MAF1: variants seen among roughly 807,000 people sequenced by gnomAD.
MAF1 encodes MAF1 negative regulator of RNA polymerase III.
A neutral mutation model predicts 31.9 loss-of-function variants in MAF1; 7 were observed. The observed-to-expected ratio is 0.22, with a 90% CI of 0.12 to 0.41. MAF1 has a LOEUF of 0.41. Ranked by LOEUF, MAF1 falls within the 10% of genes least tolerant of loss-of-function variation. MAF1 has a pLI of 1.00. For synonymous variants in MAF1, 157 were observed against 120.0 expected (o/e 1.31, Z -2.02); for missense variants, 221 against 323.1 (o/e 0.68, Z 2.42).
rs552935234 is a variant in MAF1, at chr8:144,104,630, G to A, written c.-273G>A. On this transcript the variant is annotated 5_prime_UTR_variant, in exon 1 of 8. Transcript: ENST00000322428. ...CTGTGGAAGGGGGCGAGGCTATGTC[G>A]CGGTGGCAGCCCGGATGGGCCGGCA... The A allele has an allele frequency of 1.3e-5, 2 of 152,392 alleles. No homozygotes were observed. The highest frequency in any genetic ancestry group is 1.9e-4 in the East Asian group (1 of 5,182). 9.4% of individuals were successfully genotyped at this position (152,392 alleles called of 1,614,324 possible). A position where few individuals can be genotyped will look rare whatever the true frequency, so the allele number is the denominator to read the frequency against.
Position 144,106,564 on chromosome 8 carries a change from A to G in MAF1, c.510A>G (p.Pro170=). ...LAECDIYSYN[P]DLDSDPFGED... is the part of the protein sequence containing the mutation. ...ACCCTATACTCCCCAGCTATAACCC[A>G]GACTTGGACTCAGATCCCTTCGGGG... Residue 170 remains proline, a synonymous_variant, in exon 6 of 8, where the codon CCA becomes CCG. Transcript: ENST00000322428. 1 of 1,613,938 alleles carries G rather than the reference A, an allele frequency of 6.2e-7. No homozygotes were observed. Among genetic ancestry groups the G allele is most frequent in the Non-Finnish European group, 8.5e-7 (1 of 1,180,004 alleles).
chr8:144,105,968 A>G lies in MAF1; in HGVS notation c.183A>G (p.Pro61=). The G allele has an allele frequency of 6.2e-7, 1 of 1,613,032 alleles. No individual in the cohort carries two copies. Among genetic ancestry groups the G allele is most frequent in the South Asian group, 1.1e-5 (1 of 91,074 alleles). ...GQPHVLEALS[P]PQTSGLSPSR... ...CCCACGTGCTGGAGGCACTTTCTCC[A>G]CCCCAGACTTCAGGACTGAGCCCCA... is the stretch of plus-strand genomic sequence containing the variant. The change falls in exon 3 of 8, where the codon CCA becomes CCG. Residue 61 remains proline (P), a synonymous_variant. Coordinates refer to ENST00000322428, the MANE Select transcript of MAF1 (RefSeq NM_032272.5).
rs1836370139 is a variant in MAF1 at position 144,104,529 on chromosome 8, CG to C, written c.-373del. The C allele has an allele frequency of 6.6e-6, 1 of 152,104 alleles. No individual in the cohort carries two copies. Among genetic ancestry groups the C allele is most frequent in the African/African-American group, 2.4e-5 (1 of 41,396 alleles). The allele number at this position is 152,104 out of a possible 1,614,324, so 9.4% of individuals were successfully genotyped here. The stretch of plus-strand genomic sequence containing the variant: ...CCGGCCGGGGGAGGCGGAGGTCGCT[CG>C]CTCGCTCGCTCGGCTCGCTGACTCG... On this transcript the variant is annotated 5_prime_UTR_variant, in exon 1 of 8. Coordinates refer to ENST00000322428, the MANE Select transcript of MAF1 (RefSeq NM_032272.5).
At chr8:144,104,918 G>A (rs1316898430) in intron 1 of MAF1, 60 bp downstream of exon 1, 1 of 152,260 alleles carries the variant, frequency 6.6e-6, no homozygotes, top group East Asian at 1.9e-4. Context: ...CCCCCAGCAG[G>A]CCTCGCGCGG....
intron 1 of MAF1, 184 bp from the exon 2 acceptor site, chr8:144,105,456 C>T: frequency 1.7e-6 from 1 of 579,410 alleles, no homozygotes. Context: ...ACTTACCACC[C>T]TCAGGTAAAA....
rs1012431735 is a variant in MAF1, at chr8:144,107,494, T to G, written c.*385T>G. 4 of 590,748 alleles carry G rather than the reference T, an allele frequency of 6.8e-6. No homozygotes were observed. The South Asian group carries it at 8.0e-5, about 12-fold the overall frequency. The allele number at this position is 590,748 out of a possible 1,614,324, so 36.6% of individuals were successfully genotyped here. The stretch of plus-strand genomic sequence containing the variant: ...CGAGCAGGCCCCAGCAGTCACCGGC[T>G]CTGGTCTTGGGCCGGCCCCGGTGCC... On this transcript the variant is annotated 3_prime_UTR_variant, in exon 8 of 8. Coordinates refer to ENST00000322428, the MANE Select transcript of MAF1 (RefSeq NM_032272.5).
At position 144,105,346 on chromosome 8, in the gene MAF1, A is replaced by T. The variant is rs768507571; in HGVS notation, c.-44-294A>T. 9.3e-4 allele frequency: 288 copies of T among 308,156 alleles called. 1 individual carries two copies. Among genetic ancestry groups the T allele is most frequent in the Non-Finnish European group, 1.3e-3 (203 of 161,410 alleles). 19.1% of individuals were successfully genotyped at this position (308,156 alleles called of 1,614,324 possible). On this transcript the variant is annotated intron_variant, in intron 1 of 7. Transcript: ENST00000322428. ...TGGGGAATGGGAATGTTGAGCAACA[A>T]TCTCAGCCAGCAGCCCCAGGGTGAG...
Position 144,106,005 on chromosome 8 carries a change from A to G in MAF1, c.212+8A>G, listed in dbSNP as rs1223419410. ...AGGACTGAGCCCCAGCAGGTGAGCC[A>G]TGGTGGGGCCTACCTGGGGCTGGGG... On this transcript the variant is annotated splice_region_variant and intron_variant, in intron 3 of 7. Transcript: ENST00000322428. The G allele has an allele frequency of 3.7e-6, 6 of 1,613,384 alleles. No individual in the cohort carries two copies. Among genetic ancestry groups the G allele is most frequent in the Non-Finnish European group, 5.1e-6 (6 of 1,180,008 alleles).
At chr8:144,106,784 G>A (rs766402828) in intron 6 of MAF1, 51 bp from the exon 7 acceptor site, 3 of 1,557,444 alleles carry the variant, frequency 1.9e-6, no homozygotes, top group Admixed American at 3.7e-5. Flanking sequence ...CCTGGGGCCA[G>A]CAGCAGGCCT....
In MAF1 at chr8:144,104,527, C is replaced by G. The variant is rs979042305; in HGVS notation, c.-376C>G. 4 of 152,072 alleles carry G rather than the reference C, an allele frequency of 2.6e-5. No homozygotes were observed. The highest frequency in any genetic ancestry group is 2.0e-4 in the Admixed American group (3 of 15,274). 9.4% of individuals were successfully genotyped at this position (152,072 alleles called of 1,614,324 possible). On this transcript the variant is annotated 5_prime_UTR_variant, in exon 1 of 8. Coordinates refer to ENST00000322428, the MANE Select transcript of MAF1 (RefSeq NM_032272.5). The stretch of plus-strand genomic sequence containing the variant: ...GTCCGGCCGGGGGAGGCGGAGGTCG[C>G]TCGCTCGCTCGCTCGGCTCGCTGAC...
Position 144,104,491 on chromosome 8 carries a change from C to A in MAF1, c.-412C>A, listed in dbSNP as rs568863338. 1 of 152,116 alleles carries A rather than the reference C, an allele frequency of 6.6e-6. No homozygotes were observed. The highest frequency in any genetic ancestry group is 2.1e-4 in the South Asian group (1 of 4,818). 9.4% of individuals were successfully genotyped at this position (152,116 alleles called of 1,614,324 possible). On this transcript the variant is annotated 5_prime_UTR_variant, in exon 1 of 8. Transcript: ENST00000322428. ...GAGGCGCGGGGCCGGGCCCGGCGGA[C>A]GCTTGTTGTTGTCCGGCCGGGGGAG...
In MAF1 at chr8:144,106,851, C is replaced by T. The variant is rs549151505; in HGVS notation, c.637C>T (p.Pro213Ser). 1.2e-5 allele frequency: 18 copies of T among 1,532,464 alleles called. No individual in the cohort carries two copies. Among genetic ancestry groups the T allele is most frequent in the South Asian group, 3.9e-5 (3 of 77,058 alleles). The allele number at this position is 1,532,464 out of a possible 1,614,324, so 94.9% of individuals were successfully genotyped here. The change falls in exon 7 of 8, where the codon CCC becomes TCC. Residue 213 changes from proline to serine, a missense_variant. Pro to Ser is a moderately conservative substitution (Grantham distance 74). This residue lies in a region of MAF1 where 75 missense variants were observed against 60.1 expected (regional missense o/e 1.25). Coordinates refer to ENST00000322428, the MANE Select transcript of MAF1 (RefSeq NM_032272.5). The part of the protein sequence containing the change: ...CRSISGSTYT[P>S]SEAGNELDME... ...TCCCCTCAGTGGCTCCACCTACACA[C>T]CCTCAGAGGCAGGCAACGAGCTGGA...
chr8:144,105,743 T>C lies in MAF1; in HGVS notation c.60T>C (p.Thr20=), dbSNP rs11136256. The C allele has an allele frequency of 0.99, 1,599,067 of 1,613,182 alleles. 793,581 individuals are homozygous for C. The highest frequency in any genetic ancestry group is 1 in the East Asian group (44,866 of 44,870). Reference sequence around the variant, plus strand: ...TCAACTCACAGCTGACTGTGGAGACTGGAGATGCCCACATCATTGGCAGGT... The same window carrying C: ...TCAACTCACAGCTGACTGTGGAGACCGGAGATGCCCACATCATTGGCAGGT... The part of the protein sequence containing the change: ...EAINSQLTVE[T]GDAHIIGRIE... Residue 20 remains threonine, a synonymous_variant, in exon 2 of 8, where the codon ACT becomes ACC. Transcript: ENST00000322428.
chr8:144,105,384 T>C (rs1294937139), intron 1 of MAF1: 2 of 410,584 alleles, frequency 4.9e-6, no homozygotes, highest in Non-Finnish European at 9.0e-6. Context: ...GGGTCCCCGG[T>C]GGTCTAGTCT....
intron 6 of MAF1, 56 bp downstream of exon 6, chr8:144,106,730 A>T (rs1039431314): frequency 6.3e-7 from 1 of 1,589,166 alleles, no homozygotes; most frequent in African/African-American, 1.3e-5. Context: ...CAACTTCCCC[A>T]GCTGTGCCAT....
rs6685 is a variant in MAF1 at position 144,107,469 on chromosome 8, C to T, written c.*360C>T. ...AAAGGGTCTGTGGCCGGAGGCCCCA[C>T]GAGCAGGCCCCAGCAGTCACCGGCT... On this transcript the variant is annotated 3_prime_UTR_variant, in exon 8 of 8. Coordinates refer to ENST00000322428, the MANE Select transcript of MAF1 (RefSeq NM_032272.5). The T allele has an allele frequency of 0.065, 37,594 of 581,290 alleles. 1,399 individuals are homozygous for T. The highest frequency in any genetic ancestry group is 0.083 in the Middle Eastern group (181 of 2,174). 36.0% of individuals were successfully genotyped at this position (581,290 alleles called of 1,614,324 possible). A position where few individuals can be genotyped will look rare whatever the true frequency, so the allele number is the denominator to read the frequency against.
chr8:144,106,138 C>T lies in MAF1; in HGVS notation c.275C>T (p.Thr92Ile). Residue 92 changes from threonine to isoleucine, a missense_variant, in exon 4 of 8, where the codon ACC (threonine) becomes ATC (isoleucine). By Grantham distance (89) the Thr-to-Ile change is moderately conservative (BLOSUM62 -1). Coordinates refer to ENST00000322428, the MANE Select transcript of MAF1 (RefSeq NM_032272.5). ...GPLSDKCSRK[T>I]LFYLIATLNE... ...CTCAGTGACAAGTGCAGCCGCAAGA[C>T]CCTCTTCTACCTGATTGCCACGCTC... 1 of 1,613,806 alleles carries T rather than the reference C, an allele frequency of 6.2e-7. No individual in the cohort carries two copies. Among genetic ancestry groups the T allele is most frequent in the Non-Finnish European group, 8.5e-7 (1 of 1,180,026 alleles).
In MAF1 at chr8:144,106,133, C is replaced by A; in HGVS notation, c.270C>A (p.Arg90=). Residue 90 remains arginine, a synonymous_variant, in exon 4 of 8, where the codon CGC becomes CGA. Transcript: ENST00000322428. ...GCCCCCTCAGTGACAAGTGCAGCCG[C>A]AAGACCCTCTTCTACCTGATTGCCA... ...EEGPLSDKCS[R]KTLFYLIATL... 1 of 1,613,784 alleles carries A rather than the reference C, an allele frequency of 6.2e-7. No individual in the cohort carries two copies. Among genetic ancestry groups the A allele is most frequent in the Non-Finnish European group, 8.5e-7 (1 of 1,180,028 alleles).
At position 144,106,885 on chromosome 8, in the gene MAF1, TGGGGGAGGAGGA is replaced by T. The variant is rs1184927078; in HGVS notation, c.674_685del (p.Gly225_Glu228del). 6.5e-7 allele frequency: 1 copy of T among 1,532,230 alleles called. No individual in the cohort carries two copies. Among genetic ancestry groups the T allele is most frequent in the East Asian group, 2.3e-5 (1 of 44,216 alleles). The allele number at this position is 1,532,230 out of a possible 1,614,324, so 94.9% of individuals were successfully genotyped here. A position where few individuals can be genotyped will look rare whatever the true frequency, so the allele number is the denominator to read the frequency against. On this transcript the variant is annotated inframe_deletion, in exon 7 of 8. Transcript: ENST00000322428. The stretch of plus-strand genomic sequence containing the variant: ...GCAGGCAACGAGCTGGACATGGAGC[TGGGGGAGGAGGA>T]GGTGGAGGAAGAAAGCAGAAGCGGG...
Sources: gnomAD v4.1 joint callset for allele counts on GRCh38, gnomAD v4.1.1 for gene constraint, gnomAD v4.1.1 regional missense constraint, MANE v1.5 for transcripts, NCBI Gene and HGNC (gene_info 2026-07-23, HGNC 2026-07-21) for gene names.